Variants in TANC2 observed in about 807,000 individuals in gnomAD.
TANC2 encodes the protein protein TANC2.
TANC2 carries 26 observed loss-of-function variants against 210.5 expected under a neutral mutation model. The ratio of observed to expected loss-of-function variants is 0.12; its 90% CI spans 0.09 to 0.17. The LOEUF (loss-of-function observed/expected upper bound fraction) is 0.17, where lower values mean the gene tolerates loss of function less well. Ranked by LOEUF, TANC2 falls within the 10% of genes least tolerant of loss-of-function variation. The pLI is 1.00. For synonymous variants in TANC2, 931 were observed against 967.1 expected, an observed-to-expected ratio of 0.96 and a Z score of 0.69; for missense variants, 2,129 against 2,608.9, an observed-to-expected ratio of 0.82 and a Z score of 4.01.
At chr17:63,271,233 C>G (rs1461250107) in intron 9 of TANC2, among the ~76,000 whole-genome samples, 2 of 152,072 alleles carry the variant, frequency 1.3e-5, no homozygotes, top group African/African-American at 4.8e-5. Context: ...GAGGAATTGC[C>G]ACACTGTTTT....
At chr17:63,364,736 A>G (rs1000069011) in intron 14 of TANC2, among the ~76,000 whole-genome samples, 1 of 152,014 alleles carries the variant, frequency 6.6e-6, no homozygotes, top group African/African-American at 2.4e-5. Context: ...ACAGTGAGGT[A>G]TGTCATGCCA....
chr17:63,110,537 C>T (rs570768387), intron 4 of TANC2, among the ~76,000 whole-genome samples: 1 of 148,962 alleles, frequency 6.7e-6, no homozygotes, highest in East Asian at 1.9e-4. Flanking sequence ...GTTTGGTTGT[C>T]TGGTGAGGGC....
intron 8 of TANC2, among the ~76,000 whole-genome samples, chr17:63,254,225 ATTTT>A (rs904437178): frequency 1.3e-5 from 2 of 150,204 alleles, no homozygotes; most frequent in African/African-American, 4.9e-5. Context: ...ATTCCTAGTT[ATTTT>A]ATTTGTGGCT....
chr17:63,387,720 T>G (rs2047830772), intron 15 of TANC2, among the ~76,000 whole-genome samples: 1 of 152,192 alleles, frequency 6.6e-6, no homozygotes, highest in African/African-American at 2.4e-5. Flanking sequence ...TGTCTAACAA[T>G]CAGGAGATCT....
intron 7 of TANC2, among the ~76,000 whole-genome samples, chr17:63,204,064 C>T (rs767030340): frequency 6.8e-6 from 1 of 147,120 alleles, no homozygotes; most frequent in Non-Finnish European, 1.5e-5. Context: ...GTATCCCTAA[C>T]TTACATAAAT....
chr17:63,027,870 G>A (rs77209390), intron 2 of TANC2, among the ~76,000 whole-genome samples: 4,505 of 152,076 alleles, frequency 0.03, 84 homozygotes, highest in South Asian at 0.037. Flanking sequence ...AAGAAACTCA[G>A]TAACCAAAAA....
chr17:63,210,192 C>G (rs898448620), intron 7 of TANC2, among the ~76,000 whole-genome samples: 9 of 152,204 alleles, frequency 5.9e-5, no homozygotes, highest in Non-Finnish European at 1.3e-4. Flanking sequence ...GGCTGACTCT[C>G]AGCCTTTCTA....
intron 1 of TANC2, chr17:63,005,062 GCT>G (rs1415682300): frequency 1.3e-5 from 2 of 151,762 alleles, no homozygotes; most frequent in Admixed American, 6.6e-5. Flanking sequence ...TCTTCACACT[GCT>G]CTGAATTTTT....
chr17:62,985,593 A>G (rs2032528310), intron 1 of TANC2, among the ~76,000 whole-genome samples: 1 of 152,040 alleles, frequency 6.6e-6, no homozygotes, highest in South Asian at 2.1e-4. Context: ...TGTTATTTCA[A>G]ATGACCTGTC....
At chr17:63,164,713 G>A (rs1030301784) in intron 5 of TANC2, among the ~76,000 whole-genome samples, 1 of 152,126 alleles carries the variant, frequency 6.6e-6, no homozygotes, top group Admixed American at 6.6e-5. Context: ...AATCCAGAGG[G>A]CTGAGAACCA....
chr17:63,052,713 G>T (rs369038343), intron 2 of TANC2, among the ~76,000 whole-genome samples: 1 of 152,086 alleles, frequency 6.6e-6, no homozygotes, highest in African/African-American at 2.4e-5. Flanking sequence ...CCCATGTTTA[G>T]GGAGATACAT....
chr17:63,264,862 A>G (rs2043476446), intron 8 of TANC2, among the ~76,000 whole-genome samples: 1 of 152,002 alleles, frequency 6.6e-6, no homozygotes, highest in Admixed American at 6.6e-5. Context: ...GGGAGTCTGA[A>G]GTGGGAGGAG....
intron 14 of TANC2, among the ~76,000 whole-genome samples, chr17:63,358,139 A>G (rs996206323): frequency 2.0e-5 from 3 of 152,226 alleles, no homozygotes; most frequent in African/African-American, 7.2e-5. Flanking sequence ...GAAAAGAGTC[A>G]GTAATCTGAG....
intron 4 of TANC2, among the ~76,000 whole-genome samples, chr17:63,135,552 T>C (rs1037191336): frequency 2.0e-5 from 3 of 152,140 alleles, no homozygotes; most frequent in African/African-American, 7.2e-5. Flanking sequence ...AGTAATACTT[T>C]ATATAAAATT....
At position 63,371,252 on chromosome 17, in the gene TANC2, G is replaced by A. The variant is rs570570705; in HGVS notation, c.2583-8466G>A. ...GGCCGAGGCAGGTGGATCACCTGAG[G>A]TCAGGAGTTCAAGACCAGCCTGGCT... On this transcript the variant is annotated intron_variant, in intron 14 of 27. Transcript: ENST00000689528. Among the ~76,000 whole-genome samples, 67 of 152,198 alleles carry A rather than the reference G, an allele frequency of 4.4e-4. No homozygotes were observed. The South Asian group carries it at 8.1e-3, about 18-fold the overall frequency.
intron 2 of TANC2, among the ~76,000 whole-genome samples, chr17:63,026,636 T>G (rs1326911376): frequency 6.6e-6 from 1 of 152,196 alleles, no homozygotes; most frequent in Non-Finnish European, 1.5e-5. Context: ...AGGCTCATAT[T>G]GGATATTCAG....
At chr17:63,277,380 C>T (rs1020875284) in intron 9 of TANC2, among the ~76,000 whole-genome samples, 10 of 150,750 alleles carry the variant, frequency 6.6e-5, no homozygotes, top group African/African-American at 1.5e-4. Flanking sequence ...CAGATTATTT[C>T]GTCACCCCGG....
At chr17:63,289,775 A>C (rs1387333402) in intron 9 of TANC2, among the ~76,000 whole-genome samples, 1 of 152,082 alleles carries the variant, frequency 6.6e-6, no homozygotes, top group African/African-American at 2.4e-5. Context: ...GATATGATCT[A>C]CTGTTTTAAA....
intron 2 of TANC2, among the ~76,000 whole-genome samples, chr17:63,021,732 T>C (rs2034355970): frequency 6.6e-6 from 1 of 152,068 alleles, no homozygotes; most frequent in Admixed American, 6.5e-5. Flanking sequence ...AATAATAGAT[T>C]GTAGAGGGAA....
Sources: gnomAD v4.1 joint callset for allele counts (sites outside exome capture counted in the v4.1 genomes callset) on GRCh38, gnomAD v4.1.1 for gene constraint, MANE v1.5 for transcripts, NCBI Gene and HGNC (gene_info 2026-07-23, HGNC 2026-07-21) for gene names.